The following LMO7 variants were observed in gnomAD, a reference collection of about 807,000 sequenced individuals.
The protein encoded by LMO7 is LIM domain 7.
A neutral mutation model predicts 206.5 loss-of-function variants in LMO7; 120 were observed. That is an observed-to-expected ratio of 0.58 (90% CI 0.50 to 0.68). The LOEUF is 0.68. Among genes scored for constraint, LMO7 ranks in the 30% least tolerant of loss-of-function variants. The probability of loss-of-function intolerance (pLI) is 0.00; values close to 1 mark genes in which losing one functional copy is unlikely to be tolerated. For missense variants in LMO7, 1,959 were observed against 1,957.9 expected, an observed-to-expected ratio of 1.00 and a Z score of -0.01; for synonymous variants, 706 against 681.5, an observed-to-expected ratio of 1.04 and a Z score of -0.56.
intron 3 of LMO7, among the ~76,000 whole-genome samples, chr13:75,746,436 C>T (rs894287242): frequency 3.3e-5 from 5 of 152,264 alleles, no homozygotes; most frequent in Admixed American, 3.3e-4. Context: ...GATCAACGGG[C>T]GTGTCCCCAT....
intron 2 of LMO7, among the ~76,000 whole-genome samples, chr13:75,720,744 T>C (rs2043954305): frequency 1.3e-5 from 2 of 152,234 alleles, no homozygotes; most frequent in African/African-American, 4.8e-5. Flanking sequence ...ATTACATTGG[T>C]ACTGACGTTG....
At chr13:75,710,205 T>A (rs2042981848) in intron 1 of LMO7, among the ~76,000 whole-genome samples, 1 of 152,228 alleles carries the variant, frequency 6.6e-6, no homozygotes, top group Non-Finnish European at 1.5e-5. Context: ...ACTATAGCCT[T>A]GTAGTATAGT....
chr13:75,659,969 ACATATTTCAG>A (rs779601711), intron 1 of LMO7, among the ~76,000 whole-genome samples: 199 of 152,238 alleles, frequency 1.3e-3, no homozygotes, highest in Non-Finnish European at 2.5e-3. Flanking sequence ...TTAGTCTGGG[ACATATTTCAG>A]GGGAGTACAG....
Position 75,840,401 on chromosome 13 carries a change from C to CA in LMO7, c.3490dup (p.Thr1164AsnfsTer37). On this transcript the variant is annotated frameshift_variant, in exon 22 of 31. Transcript: ENST00000377534. LOFTEE classifies it high-confidence loss of function. ...CTGATAACTGGTTAGCTTCCAGTTCCAACCATCAGTGCCCCGAGTCGCTGG... is the reference window on the plus strand; with the variant it reads ...CTGATAACTGGTTAGCTTCCAGTTCCAAACCATCAGTGCCCCGAGTCGCTGG... 6.2e-7 allele frequency: 1 copy of CA among 1,613,998 alleles called. No homozygotes were observed. The highest frequency in any genetic ancestry group is 8.5e-7 in the Non-Finnish European group (1 of 1,179,988).
chr13:75,770,889 G>A (rs2049554530), intron 4 of LMO7, among the ~76,000 whole-genome samples: 1 of 152,108 alleles, frequency 6.6e-6, no homozygotes, highest in Non-Finnish European at 1.5e-5. Context: ...ACCTTGGGCA[G>A]TAATGAAGCT....
chr13:75,698,753 T>C (rs1376648107), intron 1 of LMO7, among the ~76,000 whole-genome samples: 1 of 152,098 alleles, frequency 6.6e-6, no homozygotes, highest in Admixed American at 6.6e-5. Flanking sequence ...CTTTATTGAG[T>C]TTGAACAAAA....
chr13:75,836,409 A>G lies in LMO7; in HGVS notation c.3346A>G (p.Lys1116Glu), dbSNP rs771059322. Residue 1116 changes from lysine (K) to glutamate (E), a missense_variant, in exon 19 of 31, where the codon AAA (lysine) becomes GAA (glutamate). Lys to Glu is a moderately conservative substitution (Grantham distance 56). Coordinates refer to ENST00000377534, the MANE Select transcript of LMO7 (RefSeq NM_001306080.2). ...ESLQSSNIESKEINGIHDESN... is the reference protein window; with the variant it reads ...ESLQSSNIESEEINGIHDESN... The stretch of plus-strand genomic sequence containing the variant: ...TTACCCTTTCCAGAATATTGAATCC[A>G]AAGAAATCAATGGAATTCATGATGA... The G allele has an allele frequency of 9.7e-6, 15 of 1,543,012 alleles. No homozygotes were observed. In the East Asian group the frequency reaches 3.5e-4, roughly 36 times the overall value.
chr13:75,846,723 C>T (rs2060023855), intron 26 of LMO7, among the ~76,000 whole-genome samples: 1 of 152,104 alleles, frequency 6.6e-6, no homozygotes, highest in Non-Finnish European at 1.5e-5. Context: ...ATTGCAAGCT[C>T]TTGGATAGCA....
At position 75,623,680 on chromosome 13, in the gene LMO7, A is replaced by AT. The variant is rs2033641124; in HGVS notation, c.225+360_225+361insT. Among the ~76,000 whole-genome samples the AT allele has an allele frequency of 2.6e-5, 4 of 152,254 alleles. No individual in the cohort carries two copies. In the East Asian group the frequency reaches 7.7e-4, roughly 29 times the overall value. On this transcript the variant is annotated intron_variant, in intron 2 of 29. Transcript: ENST00000341547. ...GCCTGACCAAGCATTAAAAAAAAAA[A>AT]AATAATTAAATTGGTAATTTATTTT...
chr13:75,818,703 A>G lies in LMO7; in HGVS notation c.2065-690A>G, dbSNP rs532576418. ...GTGGACTTAACCCTTCTGAAATTGC[A>G]TACTCAAGTCTCACCTTCCCAGTTA... On this transcript the variant is annotated intron_variant, in intron 12 of 30. Transcript: ENST00000377534. Among the ~76,000 whole-genome samples, 81 of 152,230 alleles carry G rather than the reference A, an allele frequency of 5.3e-4. 1 individual carries two copies. The highest frequency in any genetic ancestry group is 1.8e-3 in the African/African-American group (73 of 41,532).
intron 1 of LMO7, among the ~76,000 whole-genome samples, chr13:75,703,182 A>G (rs932987581): frequency 3.3e-5 from 5 of 152,120 alleles, no homozygotes; most frequent in African/African-American, 1.2e-4. Flanking sequence ...AAATTTAATC[A>G]TCTGTTTGGT....
intron 2 of LMO7, among the ~76,000 whole-genome samples, chr13:75,625,900 T>C (rs140022869): frequency 6.6e-6 from 1 of 152,304 alleles, no homozygotes; most frequent in African/African-American, 2.4e-5. Flanking sequence ...TTTCAGCTCT[T>C]GAGGAAGTAC....
intron 2 of LMO7, among the ~76,000 whole-genome samples, chr13:75,724,992 T>C (rs773575224): frequency 1.3e-5 from 2 of 152,172 alleles, no homozygotes; most frequent in East Asian, 1.9e-4. Flanking sequence ...CTGTCACTTC[T>C]AAGTAATAGC....
rs551912352 is a variant in LMO7, at chr13:75,805,877, A to G, written c.1196+117A>G. On this transcript the variant is annotated intron_variant, in intron 9 of 30. Coordinates refer to ENST00000377534, the MANE Select transcript of LMO7 (RefSeq NM_001306080.2). ...ACAGAGAAAGTCTAATTAGTTCTCT[A>G]GTATCTGCGGAACCTATATAATGGA... is the stretch of plus-strand genomic sequence containing the variant. 8.2e-4 allele frequency: 969 copies of G among 1,183,714 alleles called. No homozygotes were observed. The highest frequency in any genetic ancestry group is 1.1e-3 in the Non-Finnish European group (903 of 842,124). 73.3% of individuals were successfully genotyped at this position (1,183,714 alleles called of 1,614,324 possible).
At chr13:75,673,641 T>C (rs981336021) in intron 1 of LMO7, among the ~76,000 whole-genome samples, 1 of 152,216 alleles carries the variant, frequency 6.6e-6, no homozygotes, top group Non-Finnish European at 1.5e-5. Context: ...AACAAAATCA[T>C]CTTCAAGCCA....
intron 14 of LMO7, among the ~76,000 whole-genome samples, chr13:75,822,985 G>C (rs1332001800): frequency 6.6e-6 from 1 of 151,816 alleles, no homozygotes; most frequent in Non-Finnish European, 1.5e-5. Context: ...CACATCAAAT[G>C]AATAAATTGT....
At chr13:75,639,794 A>G (rs997954280) in intron 1 of LMO7, among the ~76,000 whole-genome samples, 5 of 152,206 alleles carry the variant, frequency 3.3e-5, no homozygotes, top group Non-Finnish European at 5.9e-5. Context: ...GTTCAAATAC[A>G]ATAGTAATTT....
At chr13:75,640,847 T>C (rs527811016) in intron 1 of LMO7, among the ~76,000 whole-genome samples, 1 of 152,356 alleles carries the variant, frequency 6.6e-6, no homozygotes, top group African/African-American at 2.4e-5. Context: ...CTACAGGATG[T>C]GTCTTCATCT....
chr13:75,829,897 A>T (rs1273035142), intron 15 of LMO7, among the ~76,000 whole-genome samples: 1 of 152,072 alleles, frequency 6.6e-6, no homozygotes, highest in Non-Finnish European at 1.5e-5. Context: ...CTCAAGTTAT[A>T]CCTAATTTGA....
Sources: gnomAD v4.1 joint callset for allele counts (sites outside exome capture counted in the v4.1 genomes callset) on GRCh38, gnomAD v4.1.1 for gene constraint, MANE v1.5 for transcripts, NCBI Gene and HGNC (gene_info 2026-07-23, HGNC 2026-07-21) for gene names.